The following FIP1L1 variants were observed in gnomAD, a reference collection of about 807,000 sequenced individuals.
The protein encoded by FIP1L1 is pre-mRNA 3'-end-processing factor FIP1.
Under a neutral mutation model 84.6 loss-of-function variants are expected in FIP1L1, and 21 were observed. The ratio of observed to expected loss-of-function variants is 0.25; its 90% CI spans 0.18 to 0.36. The LOEUF (loss-of-function observed/expected upper bound fraction) is 0.36, where lower values mean the gene tolerates loss of function less well. Ranked by LOEUF, FIP1L1 falls within the 10% of genes least tolerant of loss-of-function variation. FIP1L1 has a pLI of 1.00. For synonymous variants in FIP1L1, 263 were observed against 242.3 expected (o/e 1.09, Z -0.80); for missense variants, 526 against 751.1 (o/e 0.70, Z 3.50).
intron 13 of FIP1L1, among the ~76,000 whole-genome samples, chr4:53,438,621 T>C (rs1039878799): frequency 6.6e-6 from 1 of 152,198 alleles, no homozygotes; most frequent in Non-Finnish European, 1.5e-5. Flanking sequence ...AATGACATGG[T>C]TTTTTCTTTG....
rs187989360 is a variant in FIP1L1, at chr4:53,451,439, T to G, written c.1286-1481T>G. Among the ~76,000 whole-genome samples the G allele has an allele frequency of 1.1e-3, 164 of 152,154 alleles. 3 individuals are homozygous for G. The East Asian group carries it at 0.023, about 21-fold the overall frequency. On this transcript the variant is annotated intron_variant, in intron 15 of 17. Transcript: ENST00000337488. Reference sequence around the variant, plus strand: ...TAACTGATGAGTCAGTCCCTTTTTATTACTGAGAATATTTAGCTATTTGAA... The same window carrying G: ...TAACTGATGAGTCAGTCCCTTTTTAGTACTGAGAATATTTAGCTATTTGAA...
chr4:53,437,391 GGTGT>G (rs1483423122), intron 13 of FIP1L1, among the ~76,000 whole-genome samples: 5 of 149,336 alleles, frequency 3.3e-5, no homozygotes, highest in African/African-American at 1.2e-4. Flanking sequence ...AATGCCAGAT[GGTGT>G]AGGCTCTCAT....
At chr4:53,388,182 C>T (rs1742138747) in intron 5 of FIP1L1, among the ~76,000 whole-genome samples, 1 of 152,080 alleles carries the variant, frequency 6.6e-6, no homozygotes, top group South Asian at 2.1e-4. Context: ...AAATGTAGTA[C>T]ATCAGAGACA....
intron 10 of FIP1L1, among the ~76,000 whole-genome samples, chr4:53,401,973 A>G (rs908228142): frequency 1.3e-5 from 2 of 152,216 alleles, no homozygotes; most frequent in Non-Finnish European, 2.9e-5. Context: ...GTGGTAAGAG[A>G]CAGCCTTGGG....
At chr4:53,415,961 T>G (rs1759314479) in intron 11 of FIP1L1, among the ~76,000 whole-genome samples, 2 of 152,224 alleles carry the variant, frequency 1.3e-5, no homozygotes, top group African/African-American at 4.8e-5. Flanking sequence ...AAGTACTCAT[T>G]GATTTTTTAA....
intron 13 of FIP1L1, among the ~76,000 whole-genome samples, chr4:53,438,497 T>C (rs960110410): frequency 3.9e-5 from 6 of 152,234 alleles, no homozygotes; most frequent in African/African-American, 7.2e-5. Flanking sequence ...CATTTACTTA[T>C]AAAGATTTGC....
chr4:53,453,089 A>G lies in FIP1L1; in HGVS notation c.1455A>G (p.Arg485=). The G allele has an allele frequency of 6.2e-7, 1 of 1,613,916 alleles. No homozygotes were observed. The highest frequency in any genetic ancestry group is 8.5e-7 in the Non-Finnish European group (1 of 1,179,860). Residue 485 remains arginine (R), a synonymous_variant, in exon 16 of 18, where the codon AGA becomes AGG. Coordinates refer to ENST00000337488, the MANE Select transcript of FIP1L1 (RefSeq NM_030917.4). Reference sequence around the variant, plus strand: ...GAGAAAGAGAACGCACCAGAGAGAGAGAGAGGGAGCGTGATCACAGTCCTA... The same window carrying G: ...GAGAAAGAGAACGCACCAGAGAGAGGGAGAGGGAGCGTGATCACAGTCCTA... The part of the protein sequence containing the change: ...RDRERERTRE[R]ERERDHSPTP...
At chr4:53,419,875 G>T (rs1490425863) in intron 11 of FIP1L1, among the ~76,000 whole-genome samples, 1 of 152,140 alleles carries the variant, frequency 6.6e-6, no homozygotes, top group Non-Finnish European at 1.5e-5. Flanking sequence ...AACTTTGGGA[G>T]GCTGAGGTGG....
chr4:53,447,841 A>G (rs894893289), intron 15 of FIP1L1, among the ~76,000 whole-genome samples: 4 of 152,070 alleles, frequency 2.6e-5, no homozygotes, highest in African/African-American at 9.7e-5. Context: ...TCTATTTTAA[A>G]TATTCTTGTG....
chr4:53,443,887 AAAAC>A (rs1430681893), intron 14 of FIP1L1, among the ~76,000 whole-genome samples, 157 bp from the exon 15 acceptor site: 1 of 152,104 alleles, frequency 6.6e-6, no homozygotes, highest in African/African-American at 2.4e-5. Context: ...TAGGTTAAAA[AAAAC>A]CCCATGTTTT....
At chr4:53,441,543 T>G (rs1771934679) in intron 13 of FIP1L1, among the ~76,000 whole-genome samples, 1 of 152,002 alleles carries the variant, frequency 6.6e-6, no homozygotes, top group Non-Finnish European at 1.5e-5. Context: ...TGCCAAATTT[T>G]GTACTTTTAA....
Position 53,383,974 on chromosome 4 carries a change from C to T in FIP1L1, c.332+98C>T, listed in dbSNP as rs1357148711. 5 of 1,109,042 alleles carry T rather than the reference C, an allele frequency of 4.5e-6. No homozygotes were observed. In the African/African-American group the frequency reaches 4.7e-5, roughly 11 times the overall value. The allele number at this position is 1,109,042 out of a possible 1,614,324, so 68.7% of individuals were successfully genotyped here. A position where few individuals can be genotyped will look rare whatever the true frequency, so the allele number is the denominator to read the frequency against. On this transcript the variant is annotated intron_variant, in intron 5 of 17. Transcript: ENST00000337488. ...TCAGTGGTTGAGTCCATTGTTTTTA[C>T]ATTTTTCTATTTTAACATAAAAGAA...
intron 6 of FIP1L1, 144 bp downstream of exon 6, chr4:53,390,017 C>T (rs979308144): frequency 5.9e-5 from 35 of 588,646 alleles, no homozygotes; most frequent in Middle Eastern, 3.8e-4. Flanking sequence ...TAGTTCACTG[C>T]AACCTCCGTC....
chr4:53,414,954 T>C (rs1758809590), intron 11 of FIP1L1, among the ~76,000 whole-genome samples: 1 of 152,102 alleles, frequency 6.6e-6, no homozygotes, highest in Non-Finnish European at 1.5e-5. Context: ...TATTGAACCG[T>C]GCTAATGGAT....
intron 10 of FIP1L1, among the ~76,000 whole-genome samples, chr4:53,408,812 C>A (rs1220900215): frequency 6.6e-6 from 1 of 152,210 alleles, no homozygotes; most frequent in Non-Finnish European, 1.5e-5. Context: ...CTGCATTCTT[C>A]ACGTAGTTCT....
At chr4:53,399,917 A>T in intron 10 of FIP1L1, 78 bp downstream of exon 10, 1 of 975,322 alleles carries the variant, frequency 1.0e-6, no homozygotes, top group Non-Finnish European at 1.5e-6. Context: ...TTAAGTATAA[A>T]AGCTCTGAAT....
rs751243800 is a variant in FIP1L1 at position 53,379,072 on chromosome 4, G to A, written c.86-1G>A. ...TGATCTAACTTTGGATGTGCTTATAGGCCCATGGGACGTGCATGTGCACAG... is the reference window on the plus strand; with the variant it reads ...TGATCTAACTTTGGATGTGCTTATAAGCCCATGGGACGTGCATGTGCACAG... On this transcript the variant is annotated splice_acceptor_variant, in intron 1 of 17. Coordinates refer to ENST00000337488, the MANE Select transcript of FIP1L1 (RefSeq NM_030917.4). LOFTEE classifies it high-confidence loss of function. 3.1e-6 allele frequency: 5 copies of A among 1,613,758 alleles called. No individual in the cohort carries two copies. The South Asian group carries it at 5.5e-5, about 18-fold the overall frequency.
In FIP1L1 at chr4:53,378,986, A is replaced by G. The variant is rs147921990; in HGVS notation, c.86-87A>G. The G allele has an allele frequency of 1.2e-4, 161 of 1,293,046 alleles. No homozygotes were observed. In the East Asian group the frequency reaches 3.5e-3, roughly 28 times the overall value. 80.1% of individuals were successfully genotyped at this position (1,293,046 alleles called of 1,614,324 possible). A position where few individuals can be genotyped will look rare whatever the true frequency, so the allele number is the denominator to read the frequency against. The stretch of plus-strand genomic sequence containing the variant: ...ACCTCTTAAATTTAAGCTTATTTTT[A>G]TAGCAGTAAAGTCTGATTTTTTTTT... On this transcript the variant is annotated intron_variant, in intron 1 of 17. Coordinates refer to ENST00000337488, the MANE Select transcript of FIP1L1 (RefSeq NM_030917.4).
At chr4:53,438,909 C>T (rs1578982700) in intron 13 of FIP1L1, among the ~76,000 whole-genome samples, 1 of 152,072 alleles carries the variant, frequency 6.6e-6, no homozygotes. Context: ...ACATCCTGCT[C>T]ACATAATCAT....
Sources: allele counts gnomAD v4.1 joint callset (sites outside exome capture counted in the v4.1 genomes callset), GRCh38; gene constraint gnomAD v4.1.1; transcripts MANE v1.5; gene names NCBI Gene and HGNC (gene_info 2026-07-23, HGNC 2026-07-21).